Variants in GSN observed in about 807,000 individuals in gnomAD.
GSN encodes gelsolin, also known as actin-depolymerizing factor.
In GSN, 56 loss-of-function variants were observed where a neutral mutation model predicts 85.7. The observed-to-expected ratio is 0.65, with a 90% CI of 0.53 to 0.82. GSN has a LOEUF of 0.82. Ranked by LOEUF, GSN falls within the 40% of genes least tolerant of loss-of-function variation. The pLI, the probability that GSN is intolerant of heterozygous loss-of-function variation, is 0.00. For synonymous variants in GSN, 373 were observed against 399.1 expected (o/e 0.93, Z 0.78); for missense variants, 857 against 979.8 (o/e 0.87, Z 1.67).
At chr9:121,331,247 C>A in intron 16 of GSN, 141 bp from the exon 17 acceptor site, 1 of 660,974 alleles carries the variant, frequency 1.5e-6, no homozygotes, top group Non-Finnish European at 2.8e-6. Context: ...TGTTCCAAAT[C>A]CTTCCAGTCT....
At chr9:121,312,114 G>T (rs1278850633) in intron 5 of GSN, 2 of 530,432 alleles carry the variant, frequency 3.8e-6, no homozygotes, top group Non-Finnish European at 6.7e-6. Flanking sequence ...AGTTGTACCT[G>T]TGAAAAAATT....
upstream of GSN, among the ~76,000 whole-genome samples, chr9:121,204,604 A>G (rs1270881029): frequency 3.3e-5 from 5 of 152,224 alleles, no homozygotes; most frequent in Non-Finnish European, 5.9e-5. Context: ...TTGGGTGCCA[A>G]ACATCCATTG....
At position 121,261,213 on chromosome 9, in the gene GSN, GA is replaced by G. The variant is rs1040044715; in HGVS notation, c.-340-3938del. On this transcript the variant is annotated intron_variant, in intron 6 of 24. Transcript: ENST00000373823. This position sits in a 1 kb window ranked among gnomAD's most constrained non-coding sequence, Gnocchi z 4.1. ...CCAGAAGAGTGGGGCTGGGCTTTCAGAAACAGCTGGGCTGATTCATCTAGAA... is the reference window on the plus strand; with the variant it reads ...CCAGAAGAGTGGGGCTGGGCTTTCAGAACAGCTGGGCTGATTCATCTAGAA... 3.3e-5 allele frequency among the ~76,000 whole-genome samples: 5 copies of G among 152,374 alleles called. No individual in the cohort carries two copies. Among genetic ancestry groups the G allele is most frequent in the African/African-American group, 1.2e-4 (5 of 41,590 alleles).
At chr9:121,331,487 G>A (rs1477637145) in intron 17 of GSN, 39 bp downstream of exon 17, 7 of 1,254,922 alleles carry the variant, frequency 5.6e-6, no homozygotes, top group African/African-American at 2.9e-5. Flanking sequence ...GGAGGGGTCC[G>A]TTGCTTGTGG....
At chr9:121,242,214 T>G (rs911628619) in intron 5 of GSN, among the ~76,000 whole-genome samples, 5 of 152,196 alleles carry the variant, frequency 3.3e-5, no homozygotes, top group Admixed American at 6.5e-5. Flanking sequence ...TTGTAAATAA[T>G]TAACTATCAT....
chr9:121,226,280 T>C (rs1319813992), intron 4 of GSN, among the ~76,000 whole-genome samples: 1 of 152,226 alleles, frequency 6.6e-6, no homozygotes, highest in Non-Finnish European at 1.5e-5. Context: ...AGGCACTTTC[T>C]CCTTCCTGGA....
intron 2 of GSN, chr9:121,286,499 C>T (rs1279926755): frequency 7.2e-6 from 8 of 1,110,916 alleles, no homozygotes; most frequent in Non-Finnish European, 9.9e-6. Flanking sequence ...GTTGTTCCCA[C>T]CTTCCCAAAA....
intron 4 of GSN, chr9:121,222,168 A>G (rs1474023586): frequency 6.6e-6 from 1 of 152,242 alleles, no homozygotes; most frequent in Non-Finnish European, 1.5e-5. Flanking sequence ...TAAAGAAGAG[A>G]GTAACAGGCA....
At chr9:121,287,262 C>T (rs747191808) in intron 2 of GSN, among the ~76,000 whole-genome samples, 4 of 152,008 alleles carry the variant, frequency 2.6e-5, no homozygotes, top group South Asian at 2.1e-4. Context: ...GGGAGGGAGG[C>T]GGAGGGAATG....
At chr9:121,273,845 T>G (rs1434319032) in intron 1 of GSN, among the ~76,000 whole-genome samples, 1 of 152,242 alleles carries the variant, frequency 6.6e-6, no homozygotes, top group Non-Finnish European at 1.5e-5. Flanking sequence ...ATAATGCTTT[T>G]TATTTATTAA....
intron 5 of GSN, chr9:121,311,370 A>G (rs2061121729): frequency 5.7e-6 from 1 of 176,228 alleles, no homozygotes; most frequent in South Asian, 1.3e-4. Context: ...GCAGACCTGC[A>G]AATGGACACG....
intron 3 of GSN, among the ~76,000 whole-genome samples, chr9:121,210,586 C>G (rs941615724): frequency 6.6e-6 from 1 of 152,170 alleles, no homozygotes; most frequent in Non-Finnish European, 1.5e-5. Context: ...AGTTTATCCT[C>G]TGTGAAATGG....
chr9:121,318,729 A>C lies in GSN; in HGVS notation c.1040A>C (p.Asp347Ala), dbSNP rs756698562. The C allele has an allele frequency of 6.2e-7, 1 of 1,613,552 alleles. No individual in the cohort carries two copies. Among genetic ancestry groups the C allele is most frequent in the Non-Finnish European group, 8.5e-7 (1 of 1,179,802 alleles). The change falls in exon 10 of 18, where the codon GAC becomes GCC. Residue 347 changes from aspartate to alanine, a missense_variant. Physicochemically the swap from Asp to Ala is moderately radical, Grantham distance 126 (BLOSUM62 -2). Coordinates refer to ENST00000432226, the MANE Select transcript of GSN (RefSeq NM_198252.3). This position sits in a 1 kb window ranked among gnomAD's most constrained non-coding sequence, Gnocchi z 4.3. ...LFKQFFKNWR[D>A]PDQTDGLGLS... is the part of the protein sequence containing the mutation. Reference sequence around the variant, plus strand: ...AAGCAGTTCTTCAAGAACTGGCGGGACCCAGACCAGACAGATGGCCTGGGC... The same window carrying C: ...AAGCAGTTCTTCAAGAACTGGCGGGCCCCAGACCAGACAGATGGCCTGGGC...
At position 121,237,438 on chromosome 9, in the gene GSN, G is replaced by A. The variant is rs115890453; in HGVS notation, c.-389+6135G>A. ...AATTAACTGCATGTGAGTAGCACAT[G>A]CCTGTAGTCCCAGCTACTTGGGAGA... On this transcript the variant is annotated intron_variant, in intron 5 of 24. Coordinates refer to the GSN transcript ENST00000373823. 3.7e-3 allele frequency among the ~76,000 whole-genome samples: 566 copies of A among 152,246 alleles called. 6 individuals are homozygous for A. Among genetic ancestry groups the A allele is most frequent in the African/African-American group, 0.013 (540 of 41,554 alleles).
At chr9:121,273,564 G>GA (rs796162551) in intron 1 of GSN, among the ~76,000 whole-genome samples, 12 of 152,108 alleles carry the variant, frequency 7.9e-5, no homozygotes, top group African/African-American at 2.9e-4. Flanking sequence ...ACTAACCAGA[G>GA]AAAATCACTG....
chr9:121,292,378 G>A (rs2058779998), intron 2 of GSN, among the ~76,000 whole-genome samples: 1 of 152,210 alleles, frequency 6.6e-6, no homozygotes, highest in Non-Finnish European at 1.5e-5. Flanking sequence ...AACCCTCCCT[G>A]TCTCCCTTGC....
intron 2 of GSN, chr9:121,300,048 A>C (rs765941933): frequency 2.9e-5 from 46 of 1,593,100 alleles, no homozygotes; most frequent in African/African-American, 6.8e-5. Context: ...GTAACTCTCT[A>C]TTGTAAGTTC....
chr9:121,210,391 A>T (rs1400935139), intron 3 of GSN: 1 of 152,190 alleles, frequency 6.6e-6, no homozygotes, highest in Non-Finnish European at 1.5e-5. Context: ...CTTATGCTCA[A>T]ATTTTCTTAG....
intron 11 of GSN, among the ~76,000 whole-genome samples, chr9:121,322,798 A>G (rs538745150): frequency 6.7e-6 from 1 of 150,334 alleles, no homozygotes; most frequent in African/African-American, 2.4e-5. Context: ...CTTACTATAC[A>G]GTCTAAAACT....
Sources: allele counts gnomAD v4.1 joint callset (sites outside exome capture counted in the v4.1 genomes callset), GRCh38; gene constraint gnomAD v4.1.1; non-coding constraint Gnocchi (gnomAD v3.1); transcripts MANE v1.5; gene names NCBI Gene and HGNC (gene_info 2026-07-23, HGNC 2026-07-21).